Variants in HIVEP1 observed in about 807,000 individuals in gnomAD.
HIVEP1 encodes zinc finger protein 40.
A neutral mutation model predicts 180.0 loss-of-function variants in HIVEP1; 36 were observed. The observed-to-expected ratio is 0.20, with a 90% CI of 0.15 to 0.26. The LOEUF is 0.26. Ranked by LOEUF, HIVEP1 falls within the 10% of genes least tolerant of loss-of-function variation. The pLI is 1.00. For synonymous variants in HIVEP1, 1,239 were observed against 1,239.0 expected (o/e 1.00, Z 0.00); for missense variants, 3,143 against 3,268.7 (o/e 0.96, Z 0.94).
intron 2 of HIVEP1, among the ~76,000 whole-genome samples, chr6:12,074,800 A>C (rs564260932): frequency 2.4e-4 from 36 of 152,178 alleles, no homozygotes; most frequent in African/African-American, 8.7e-4. Flanking sequence ...GAGTAGGATT[A>C]TGAAGATGTA....
chr6:12,172,497 G>A, the HIVEP1 span, among the ~76,000 whole-genome samples: 1 of 151,872 alleles, frequency 6.6e-6, no homozygotes, highest in Non-Finnish European at 1.5e-5. Flanking sequence ...AAATTAAACA[G>A]GAAATTTTCC....
chr6:12,089,386 G>C (rs1773313467), intron 3 of HIVEP1, 149 bp downstream of exon 3: 1 of 505,840 alleles, frequency 2.0e-6, no homozygotes, highest in Non-Finnish European at 3.6e-6. Flanking sequence ...AAAATGTTGT[G>C]GACTTTGCTT....
At chr6:12,017,229 C>T (rs913392712) in intron 2 of HIVEP1, among the ~76,000 whole-genome samples, 2 of 152,140 alleles carry the variant, frequency 1.3e-5, no homozygotes, top group African/African-American at 2.4e-5. Context: ...GTTACTGTGT[C>T]TGGAATTGGT....
At chr6:12,040,706 T>C (rs115264736) in intron 2 of HIVEP1, among the ~76,000 whole-genome samples, 2,131 of 152,322 alleles carry the variant, frequency 0.014, 20 homozygotes, top group Middle Eastern at 0.054. Context: ...AAGCAGTACC[T>C]GAGACTGAGT....
intron 2 of HIVEP1, among the ~76,000 whole-genome samples, chr6:12,062,286 AT>A (rs1771289900): frequency 6.6e-6 from 1 of 152,132 alleles, no homozygotes; most frequent in South Asian, 2.1e-4. Flanking sequence ...ATATAAAACT[AT>A]TCCTTTAATG....
At chr6:12,183,668 C>T in the HIVEP1 span, among the ~76,000 whole-genome samples, 2 of 152,124 alleles carry the variant, frequency 1.3e-5, no homozygotes, top group African/African-American at 2.4e-5. Flanking sequence ...AATTATGGGA[C>T]AGTGATTTCA....
intron 2 of HIVEP1, among the ~76,000 whole-genome samples, chr6:12,077,546 G>A (rs574756603): frequency 2.0e-5 from 3 of 152,312 alleles, no homozygotes; most frequent in Non-Finnish European, 4.4e-5. Flanking sequence ...CTCAGGGAAT[G>A]TGTGAAACTT....
chr6:12,205,890 C>T, the HIVEP1 span, among the ~76,000 whole-genome samples: 1 of 152,128 alleles, frequency 6.6e-6, no homozygotes, highest in Non-Finnish European at 1.5e-5. Context: ...CAGCGTGGCA[C>T]CTGCCTCTTT....
intron 1 of HIVEP1, among the ~76,000 whole-genome samples, chr6:12,014,517 A>G (rs933771849): frequency 1.3e-5 from 2 of 152,210 alleles, no homozygotes; most frequent in Non-Finnish European, 2.9e-5. Context: ...CTAATAACAA[A>G]AGCTTTAAGC....
At chr6:12,084,550 G>C (rs952190609) in intron 2 of HIVEP1, among the ~76,000 whole-genome samples, 2 of 152,054 alleles carry the variant, frequency 1.3e-5, no homozygotes, top group Non-Finnish European at 1.5e-5. Context: ...CATTTATTTA[G>C]TGCTATTGAA....
chr6:12,109,505 T>A (rs557594516), intron 3 of HIVEP1, among the ~76,000 whole-genome samples: 6 of 152,384 alleles, frequency 3.9e-5, no homozygotes, highest in African/African-American at 1.4e-4. Flanking sequence ...GTTTACAGCA[T>A]CTTCACCAGA....
chr6:12,099,573 A>AT (rs1773988588), intron 3 of HIVEP1, among the ~76,000 whole-genome samples: 2 of 152,070 alleles, frequency 1.3e-5, no homozygotes, highest in Admixed American at 6.5e-5. Context: ...ATGTGAAGAA[A>AT]AAACGTGGTA....
chr6:12,153,892 A>G (rs572922436), intron 7 of HIVEP1, among the ~76,000 whole-genome samples: 157 of 152,312 alleles, frequency 1.0e-3, no homozygotes, highest in African/African-American at 3.6e-3. Flanking sequence ...TCACGCCTGT[A>G]ATCCCAGCAC....
intron 3 of HIVEP1, among the ~76,000 whole-genome samples, chr6:12,111,206 A>C (rs920812591): frequency 6.6e-6 from 1 of 152,274 alleles, no homozygotes; most frequent in African/African-American, 2.4e-5. Context: ...TAGAAAAAAT[A>C]TGTCACACAC....
intron 2 of HIVEP1, among the ~76,000 whole-genome samples, chr6:12,078,632 TATAC>T (rs2113263777): frequency 9.8e-6 from 1 of 102,452 alleles, no homozygotes; most frequent in African/African-American, 4.2e-5. Flanking sequence ...CATACATATA[TATAC>T]ACACACACAC....
At chr6:12,208,008 C>T in the HIVEP1 span, among the ~76,000 whole-genome samples, 1 of 151,772 alleles carries the variant, frequency 6.6e-6, no homozygotes, top group South Asian at 2.1e-4. Context: ...TCAGAAATAC[C>T]TTCTGAGGGC....
chr6:12,204,322 G>A, the HIVEP1 span, among the ~76,000 whole-genome samples: 6 of 44,088 alleles, frequency 1.4e-4, no homozygotes, highest in East Asian at 8.8e-4. Flanking sequence ...CCAGCACCAC[G>A]GCACCCTGCA....
At chr6:12,146,358 G>C (rs1290871145) in intron 7 of HIVEP1, among the ~76,000 whole-genome samples, 1 of 152,164 alleles carries the variant, frequency 6.6e-6, no homozygotes, top group Admixed American at 6.5e-5. Context: ...CAAGAGAATT[G>C]CTTGAACCTA....
At chr6:12,135,261 A>G (rs963216265) in intron 6 of HIVEP1, among the ~76,000 whole-genome samples, 1 of 152,242 alleles carries the variant, frequency 6.6e-6, no homozygotes, top group Admixed American at 6.5e-5. Context: ...TCTGAAGCCA[A>G]TGAAACTGTT....
Sources: gnomAD v4.1 joint callset for allele counts (sites outside exome capture counted in the v4.1 genomes callset) on GRCh38, gnomAD v4.1.1 for gene constraint, MANE v1.5 for transcripts, NCBI Gene and HGNC (gene_info 2026-07-23, HGNC 2026-07-21) for gene names.